ATG9A: variants seen among roughly 807,000 people sequenced by gnomAD.
The protein encoded by ATG9A is autophagy related 9A, also known as autophagy-related protein 9A.
In ATG9A, 21 loss-of-function variants were observed where a neutral mutation model predicts 87.1. The ratio of observed to expected loss-of-function variants is 0.24; its 90% CI spans 0.17 to 0.35. The LOEUF is 0.35. Among genes scored for constraint, ATG9A ranks in the 10% least tolerant of loss-of-function variants. ATG9A has a pLI of 1.00. For synonymous variants in ATG9A, 422 were observed against 441.3 expected (o/e 0.96, Z 0.55); for missense variants, 836 against 1,107.3 (o/e 0.76, Z 3.48).
At chr2:219,220,697 C>T (rs760702867) in intron 15 of ATG9A, 50 bp downstream of exon 15, 1 of 1,600,768 alleles carries the variant, frequency 6.2e-7, no homozygotes, top group Admixed American at 1.7e-5. Context: ...GTTACCTCAC[C>T]CTGGAAGTTA....
At chr2:219,225,664 A>G in intron 5 of ATG9A, 92 bp from the exon 6 acceptor site, 2 of 1,408,254 alleles carry the variant, frequency 1.4e-6, no homozygotes, top group Non-Finnish European at 1.9e-6. Flanking sequence ...GTGGCAGAAC[A>G]AGACTGGGAA....
chr2:219,227,000 C>T, intron 4 of ATG9A, 67 bp from the exon 5 acceptor site: 2 of 1,331,062 alleles, frequency 1.5e-6, no homozygotes, highest in Non-Finnish European at 2.2e-6. Context: ...GGTGTCAACA[C>T]ACTCAAGCTT....
chr2:219,221,963 C>G, intron 13 of ATG9A, 87 bp downstream of exon 13: 1 of 1,201,430 alleles, frequency 8.3e-7, no homozygotes, highest in South Asian at 1.4e-5. Flanking sequence ...GGTGGCAGAA[C>G]AAGTAAATGG....
intron 15 of ATG9A, 86 bp from the exon 16 acceptor site, chr2:219,220,538 G>C (rs1950729918): frequency 1.3e-6 from 2 of 1,575,860 alleles, no homozygotes; most frequent in Non-Finnish European, 1.7e-6. Flanking sequence ...GAGGTAAAGG[G>C]ACAGGAAAGG....
rs767265739 is a variant in ATG9A, at chr2:219,225,201, T to A, written c.386A>T (p.Asn129Ile). The A allele has an allele frequency of 6.2e-7, 1 of 1,613,910 alleles. No homozygotes were observed. The highest frequency in any genetic ancestry group is 1.3e-5 in the African/African-American group (1 of 74,902). ...GACCAGGATGGTGATAAGGGAGCCA[T>A]TTTCCTGAATCCTGGTGGGGAAAAA... ...AQVCSARIQE[N>I]GSLITILVIA... The change falls in exon 7 of 16, where the codon AAT becomes ATT. Residue 129 changes from asparagine to isoleucine, a missense_variant. By Grantham distance (149) the Asn-to-Ile change is moderately radical. Coordinates refer to ENST00000361242, the MANE Select transcript of ATG9A (RefSeq NM_001077198.3).
intron 4 of ATG9A, among the ~76,000 whole-genome samples, chr2:219,227,144 T>A (rs1354484571): frequency 6.6e-6 from 1 of 152,246 alleles, no homozygotes; most frequent in East Asian, 1.9e-4. Context: ...TCTAAGATAA[T>A]GCATGTAAAG....
At position 219,225,563 on chromosome 2, in the gene ATG9A, G is replaced by A; in HGVS notation, c.222C>T (p.Leu74=). The change falls in exon 6 of 16, where the codon CTC becomes CTT. Residue 74 remains leucine, a synonymous_variant. Transcript: ENST00000361242. The part of the protein sequence containing the change: ...IGEIFELMQF[L]FVVAFTTFLV... Reference sequence around the variant, plus strand: ...GGAAGGTAGTGAAGGCAACCACAAAGAGGAACTGCCTGGGGAGTTGGGAAG... The same window carrying A: ...GGAAGGTAGTGAAGGCAACCACAAAAAGGAACTGCCTGGGGAGTTGGGAAG... 6.2e-7 allele frequency: 1 copy of A among 1,614,106 alleles called. No homozygotes were observed.
chr2:219,225,629 C>T, intron 5 of ATG9A, 57 bp from the exon 6 acceptor site: 1 of 1,573,810 alleles, frequency 6.4e-7, no homozygotes, highest in South Asian at 1.1e-5. Flanking sequence ...CCAGTGAAAC[C>T]CAGTGGGAAG....
rs779047144 is a variant in ATG9A, at chr2:219,224,395, C to T, written c.976G>A (p.Ala326Thr). The part of the protein sequence containing the change: ...YAEVLKREPG[A>T]LGARCWSLYG... ...AGTGACCAGCAGCGTGCTCCCAGGG[C>T]CCCCGGCTCCCGCTTCAGCACCTCA... is the stretch of plus-strand genomic sequence containing the variant. The change falls in exon 8 of 16, where the codon GCC becomes ACC. Residue 326 changes from alanine (A) to threonine (T), a missense_variant. By Grantham distance (58) the Ala-to-Thr change is moderately conservative (BLOSUM62 0). This residue lies in a region of ATG9A where 512 missense variants were observed against 759.6 expected (regional missense o/e 0.67). Transcript: ENST00000361242. The surrounding 1 kb of genome is among the most constrained non-coding windows in gnomAD (Gnocchi z 7.7). 11 of 1,613,754 alleles carry T rather than the reference C, an allele frequency of 6.8e-6. No homozygotes were observed. Among genetic ancestry groups the T allele is most frequent in the African/African-American group, 6.7e-5 (5 of 74,904 alleles).
At position 219,229,217 on chromosome 2, in the gene ATG9A, C is replaced by T. The variant is rs967494585; in HGVS notation, c.-82+318G>A. ...ATCGAGTCAGCCTTACAGCTGATAG[C>T]CCGGGTGGGTTGGCTTGCCTCCCCA... On this transcript the variant is annotated intron_variant, in intron 1 of 15. Transcript: ENST00000361242. This position sits in a 1 kb window ranked among gnomAD's most constrained non-coding sequence, Gnocchi z 4.2. The T allele has an allele frequency of 6.6e-6, 1 of 152,074 alleles. No homozygotes were observed. Among genetic ancestry groups the T allele is most frequent in the Non-Finnish European group, 1.5e-5 (1 of 67,976 alleles). 9.4% of individuals were successfully genotyped at this position (152,074 alleles called of 1,614,324 possible).
rs1559246339 is a variant in ATG9A, at chr2:219,225,492, A to G, written c.293T>C (p.Val98Ala). 6.2e-7 allele frequency: 1 copy of G among 1,614,210 alleles called. No individual in the cohort carries two copies. Among genetic ancestry groups the G allele is most frequent in the Admixed American group, 1.7e-5 (1 of 60,014 alleles). ...DYDILFANKM[V>A]NHSLHPTEPV... is the part of the protein sequence containing the mutation. The stretch of plus-strand genomic sequence containing the variant: ...TTCAGTAGGGTGAAGACTGTGGTTC[A>G]CCATCTTGTTGGCAAATAGGATGTC... The change falls in exon 6 of 16, where the codon GTG becomes GCG. Residue 98 changes from valine to alanine, a missense_variant. Val to Ala is a moderately conservative substitution (Grantham distance 64). Coordinates refer to ENST00000361242, the MANE Select transcript of ATG9A (RefSeq NM_001077198.3).
chr2:219,224,537 T>C lies in ATG9A; in HGVS notation c.834A>G (p.Gln278=), dbSNP rs1369565342. 6.2e-7 allele frequency: 1 copy of C among 1,614,186 alleles called. No homozygotes were observed. Among genetic ancestry groups the C allele is most frequent in the East Asian group, 2.2e-5 (1 of 44,888 alleles). Residue 278 remains glutamine, a synonymous_variant, in exon 8 of 16, where the codon CAA becomes CAG. Coordinates refer to ENST00000361242, the MANE Select transcript of ATG9A (RefSeq NM_001077198.3). This position sits in a 1 kb window ranked among gnomAD's most constrained non-coding sequence, Gnocchi z 7.7. ...SLKAEYKRGG[Q]RLELAQRLSN... ...TGAGGCGCTGGGCCAGCTCTAGCCG[T>C]TGCCCCCCACGTTTGTACTCGGCCT...
intron 3 of ATG9A, 51 bp from the exon 4 acceptor site, chr2:219,227,864 T>TG: frequency 6.2e-7 from 1 of 1,612,854 alleles, no homozygotes; most frequent in East Asian, 2.2e-5. Context: ...ACAAGCCCCT[T>TG]GCTCTCTCCA....
At position 219,225,384 on chromosome 2, in the gene ATG9A, G is replaced by T. The variant is rs771063390; in HGVS notation, c.374+27C>A. ...ACCTGCTAGCAGAACTCAAGGCTAT[G>T]GTGTCCTCTTGACTTGCAGCCCTTA... On this transcript the variant is annotated intron_variant, in intron 6 of 15. Coordinates refer to ENST00000361242, the MANE Select transcript of ATG9A (RefSeq NM_001077198.3). 13 of 1,611,552 alleles carry T rather than the reference G, an allele frequency of 8.1e-6. No homozygotes were observed. In the African/African-American group the frequency reaches 1.3e-4, roughly 17 times the overall value.
chr2:219,221,024 T>C, intron 14 of ATG9A, 56 bp downstream of exon 14: 1 of 1,598,664 alleles, frequency 6.3e-7, no homozygotes, highest in Admixed American at 1.7e-5. Flanking sequence ...TGAGAGGCCC[T>C]GGAAGAACCA....
At chr2:219,228,138 T>C (rs1409854087) in intron 2 of ATG9A, 85 bp from the exon 3 acceptor site, 1 of 924,738 alleles carries the variant, frequency 1.1e-6, no homozygotes, top group East Asian at 2.6e-5. Context: ...AAGGAGAAAG[T>C]ACCCTTGGGC....
chr2:219,229,399 C>A lies in ATG9A; in HGVS notation c.-82+136G>T, dbSNP rs982764732. 2.0e-5 allele frequency: 3 copies of A among 152,072 alleles called. No individual in the cohort carries two copies. The highest frequency in any genetic ancestry group is 7.3e-5 in the African/African-American group (3 of 41,370). 9.4% of individuals were successfully genotyped at this position (152,072 alleles called of 1,614,324 possible). Reference sequence around the variant, plus strand: ...GCGCGCGCCAGCAATCAAAACATTCCGGCTGCGCGCCCCCGCCCCGCCGGC... The same window carrying A: ...GCGCGCGCCAGCAATCAAAACATTCAGGCTGCGCGCCCCCGCCCCGCCGGC... On this transcript the variant is annotated intron_variant, in intron 1 of 15. Coordinates refer to ENST00000361242, the MANE Select transcript of ATG9A (RefSeq NM_001077198.3). The surrounding 1 kb of genome is among the most constrained non-coding windows in gnomAD (Gnocchi z 4.2).
intron 6 of ATG9A, 35 bp downstream of exon 6, chr2:219,225,376 A>G (rs1335393531): frequency 1.2e-6 from 2 of 1,608,676 alleles, no homozygotes; most frequent in Non-Finnish European, 1.7e-6. Context: ...AGCAGAACTC[A>G]AGGCTATGGT....
At position 219,223,840 on chromosome 2, in the gene ATG9A, TAGCAGGCCCTA is replaced by T. The variant is rs1950812270; in HGVS notation, c.1419+18_1419+28del. On this transcript the variant is annotated intron_variant, in intron 9 of 15. Coordinates refer to ENST00000361242, the MANE Select transcript of ATG9A (RefSeq NM_001077198.3). The surrounding 1 kb of genome is among the most constrained non-coding windows in gnomAD (Gnocchi z 4.7). Reference sequence around the variant, plus strand: ...CACCACCGAGCTACCAGCCAGTCTCTAGCAGGCCCTAACTCCAACTCCACTCACTGCCTTGT... The same window carrying T: ...CACCACCGAGCTACCAGCCAGTCTCTACTCCAACTCCACTCACTGCCTTGT... 6.2e-7 allele frequency: 1 copy of T among 1,613,884 alleles called. No homozygotes were observed. The highest frequency in any genetic ancestry group is 8.5e-7 in the Non-Finnish European group (1 of 1,179,996).
Sources: gnomAD v4.1 joint callset for allele counts (sites outside exome capture counted in the v4.1 genomes callset) on GRCh38, gnomAD v4.1.1 for gene constraint, gnomAD v4.1.1 regional missense constraint, Gnocchi (gnomAD v3.1) non-coding constraint, MANE v1.5 for transcripts, NCBI Gene and HGNC (gene_info 2026-07-23, HGNC 2026-07-21) for gene names.